Variants in PARM1 observed in about 807,000 individuals in gnomAD.
PARM1 encodes the protein WSC4, cell wall integrity and stress response component 4 homolog.
Under a neutral mutation model 24.6 loss-of-function variants are expected in PARM1, and 14 were observed. The ratio of observed to expected loss-of-function variants is 0.57; its 90% CI spans 0.38 to 0.89. The LOEUF is 0.89. Among genes scored for constraint, PARM1 ranks in the 40% least tolerant of loss-of-function variants. PARM1 has a pLI of 0.00. For missense variants in PARM1, 362 were observed against 380.4 expected (o/e 0.95, Z 0.40); for synonymous variants, 179 against 156.6 (o/e 1.14, Z -1.07).
intron 3 of PARM1, among the ~76,000 whole-genome samples, chr4:75,034,513 C>A (rs1404952058): frequency 2.0e-5 from 3 of 152,236 alleles, no homozygotes; most frequent in African/African-American, 7.2e-5. Flanking sequence ...TTTAAAATAT[C>A]TTTTCTCCTA....
At chr4:74,961,311 A>T (rs910466668) in intron 1 of PARM1, among the ~76,000 whole-genome samples, 3 of 152,150 alleles carry the variant, frequency 2.0e-5, no homozygotes, top group Non-Finnish European at 2.9e-5. Context: ...AATCTGTGGG[A>T]TATCATCAAG....
chr4:75,040,522 A>T (rs371169707), intron 3 of PARM1, among the ~76,000 whole-genome samples: 3 of 152,356 alleles, frequency 2.0e-5, no homozygotes. Context: ...AACTGATAGG[A>T]TTCCTTAGTT....
chr4:74,967,875 C>T (rs1016045647), intron 1 of PARM1: 2 of 152,166 alleles, frequency 1.3e-5, no homozygotes, highest in Non-Finnish European at 1.5e-5. Context: ...TTAGCCAATA[C>T]CTCAATGCTT....
At chr4:74,981,068 G>T (rs1242912306) in intron 1 of PARM1, among the ~76,000 whole-genome samples, 1 of 152,078 alleles carries the variant, frequency 6.6e-6, no homozygotes, top group Non-Finnish European at 1.5e-5. Context: ...ATTTCCTTAT[G>T]AAAATGTCAA....
At chr4:74,986,152 T>C (rs6838268) in intron 1 of PARM1, among the ~76,000 whole-genome samples, 8,079 of 152,202 alleles carry the variant, frequency 0.053, 232 homozygotes, top group Middle Eastern at 0.092. Context: ...CTTTGGTGCA[T>C]AATAATTTTA....
chr4:75,007,803 TAAG>T (rs1722800436), intron 1 of PARM1, among the ~76,000 whole-genome samples: 1 of 152,130 alleles, frequency 6.6e-6, no homozygotes, highest in Non-Finnish European at 1.5e-5. Context: ...AGTGCCCTTA[TAAG>T]AAGGGACATT....
chr4:74,946,717 A>C (rs1015037207), intron 1 of PARM1, among the ~76,000 whole-genome samples: 1 of 152,240 alleles, frequency 6.6e-6, no homozygotes, highest in Non-Finnish European at 1.5e-5. Context: ...AAGCTGGGAC[A>C]ATTTGAGCAT....
chr4:75,042,741 T>C (rs1723518223), intron 3 of PARM1, among the ~76,000 whole-genome samples: 1 of 152,170 alleles, frequency 6.6e-6, no homozygotes, highest in African/African-American at 2.4e-5. Flanking sequence ...AAAATGTGTT[T>C]GTCTTACTCT....
At chr4:75,043,124 A>G (rs991736642) in intron 3 of PARM1, among the ~76,000 whole-genome samples, 17 of 152,256 alleles carry the variant, frequency 1.1e-4, no homozygotes, top group Admixed American at 5.2e-4. Context: ...TCTAACCCCC[A>G]TTCCAACATA....
chr4:75,032,398 A>G lies in PARM1; in HGVS notation c.770-1485A>G, dbSNP rs1723291354. 2.0e-5 allele frequency among the ~76,000 whole-genome samples: 3 copies of G among 152,326 alleles called. No individual in the cohort carries two copies. The South Asian group carries it at 6.2e-4, about 32-fold the overall frequency. On this transcript the variant is annotated intron_variant, in intron 2 of 3. Transcript: ENST00000307428. ...GACTGATTTGCTTCTTAACTGTGCT[A>G]CAATTCTTTTGGTGGGAAGGCTAAT...
Position 75,012,564 on chromosome 4 carries a change from C to A in PARM1, c.183C>A (p.His61Gln), listed in dbSNP as rs758190091. 1.2e-5 allele frequency: 19 copies of A among 1,613,962 alleles called. No individual in the cohort carries two copies. The highest frequency in any genetic ancestry group is 1.6e-4 in the Middle Eastern group (1 of 6,062). Residue 61 changes from histidine to glutamine, a missense_variant, in exon 2 of 4, where the codon CAC (histidine) becomes CAA (glutamine). His to Gln is a conservative substitution (Grantham distance 24). Coordinates refer to ENST00000307428, the MANE Select transcript of PARM1 (RefSeq NM_015393.4). The stretch of plus-strand genomic sequence containing the variant: ...CTGCCTCCCCATCCAACGGCACTCA[C>A]AACAACTCGGTGCTCCCAGTTACAG... ...ADTASPSNGTHNNSVLPVTAS... is the reference protein window; with the variant it reads ...ADTASPSNGTQNNSVLPVTAS...
chr4:75,007,906 G>T (rs1722803066), intron 1 of PARM1, among the ~76,000 whole-genome samples: 1 of 152,208 alleles, frequency 6.6e-6, no homozygotes, highest in African/African-American at 2.4e-5. Flanking sequence ...TCAAGCCAGG[G>T]GGTGGGCCCT....
chr4:75,046,114 A>G (rs1196850934), intron 3 of PARM1, 49 bp from the exon 4 acceptor site: 1 of 1,277,250 alleles, frequency 7.8e-7, no homozygotes, highest in East Asian at 2.3e-5. Context: ...CTGTCCTCAG[A>G]TGGGCAACTT....
At chr4:75,007,080 TTC>T (rs1323200147) in intron 1 of PARM1, among the ~76,000 whole-genome samples, 1 of 152,132 alleles carries the variant, frequency 6.6e-6, no homozygotes, top group Non-Finnish European at 1.5e-5. Context: ...GAACAGACAC[TTC>T]TCAAAAGAAG....
chr4:75,014,736 A>T (rs781492202), intron 2 of PARM1, among the ~76,000 whole-genome samples: 98 of 152,274 alleles, frequency 6.4e-4, no homozygotes, highest in Non-Finnish European at 1.2e-3. Flanking sequence ...TGGAGAGTGG[A>T]TCTGCAGAGG....
intron 1 of PARM1, among the ~76,000 whole-genome samples, chr4:74,938,082 A>AG (rs1385380174): frequency 6.6e-6 from 1 of 152,214 alleles, no homozygotes; most frequent in Non-Finnish European, 1.5e-5. Context: ...TTAGGAAAAA[A>AG]CAGGTCATTT....
At chr4:74,944,344 A>T (rs572200126) in intron 1 of PARM1, among the ~76,000 whole-genome samples, 1 of 152,342 alleles carries the variant, frequency 6.6e-6, no homozygotes, top group African/African-American at 2.4e-5. Flanking sequence ...TGTTTATTTA[A>T]AATATTTGCC....
Position 75,046,321 on chromosome 4 carries a change from AC to A in PARM1, c.*76del, listed in dbSNP as rs1723602149. The A allele has an allele frequency of 1.2e-5, 12 of 974,600 alleles. No individual in the cohort carries two copies. The highest frequency in any genetic ancestry group is 4.2e-4 in the Middle Eastern group (2 of 4,734). The allele number at this position is 974,600 out of a possible 1,614,324, so 60.4% of individuals were successfully genotyped here. A position where few individuals can be genotyped will look rare whatever the true frequency, so the allele number is the denominator to read the frequency against. ...TGCTTATCCAGTAGAATTAATAAGTACCTGATGCGCATTGAACGACAATCTT... is the reference window on the plus strand; with the variant it reads ...TGCTTATCCAGTAGAATTAATAAGTACTGATGCGCATTGAACGACAATCTT... On this transcript the variant is annotated 3_prime_UTR_variant, in exon 4 of 4. Transcript: ENST00000307428.
At position 74,952,781 on chromosome 4, in the gene PARM1, T is replaced by A. The variant is rs552416773; in HGVS notation, c.43+19411T>A. ...AAAATGTGACCTTGTAGGACAGTGG[T>A]TTTCTGTTAGCCAATGTGAAAAGTG... On this transcript the variant is annotated intron_variant, in intron 1 of 3. Coordinates refer to ENST00000307428, the MANE Select transcript of PARM1 (RefSeq NM_015393.4). 3.3e-5 allele frequency among the ~76,000 whole-genome samples: 5 copies of A among 152,264 alleles called. No individual in the cohort carries two copies. The South Asian group carries it at 1.0e-3, about 32-fold the overall frequency.
Sources: gnomAD v4.1 joint callset for allele counts (sites outside exome capture counted in the v4.1 genomes callset) on GRCh38, gnomAD v4.1.1 for gene constraint, MANE v1.5 for transcripts, NCBI Gene and HGNC (gene_info 2026-07-23, HGNC 2026-07-21) for gene names.